The following NLRC5 variants were observed in gnomAD, a reference collection of about 807,000 sequenced individuals.
The protein encoded by NLRC5 is NLR family CARD domain containing 5.
A neutral mutation model predicts 206.9 loss-of-function variants in NLRC5; 114 were observed. The observed-to-expected ratio is 0.55, with a 90% CI of 0.47 to 0.64. NLRC5 has a LOEUF of 0.64. Ranked by LOEUF, NLRC5 falls within the 30% of genes least tolerant of loss-of-function variation. The pLI, the probability that NLRC5 is intolerant of heterozygous loss-of-function variation, is 0.00. For missense variants in NLRC5, 2,008 were observed against 2,305.5 expected (o/e 0.87, Z 2.64); for synonymous variants, 952 against 962.8 (o/e 0.99, Z 0.21).
At chr16:57,007,957 T>C (rs1262778251) in intron 1 of NLRC5, among the ~76,000 whole-genome samples, 1 of 152,264 alleles carries the variant, frequency 6.6e-6, no homozygotes, top group Admixed American at 6.5e-5. Flanking sequence ...ACCTTATCTG[T>C]GGTATTCTTT....
chr16:56,996,667 G>A (rs1209389715), intron 1 of NLRC5, among the ~76,000 whole-genome samples: 1 of 152,166 alleles, frequency 6.6e-6, no homozygotes, highest in Non-Finnish European at 1.5e-5. Context: ...CCCCTAGAGG[G>A]TGAGTTTGTG....
chr16:57,077,746 C>T lies in NLRC5; in HGVS notation c.4947C>T (p.Ala1649=), dbSNP rs753929101. ...TCTCAGGGAATAGCATCAGCTCAGC[C>T]GGGGGAGTGCAGTTGGCAGAGTCTC... ...IDLSGNSISS[A]GGVQLAESLV... is the part of the protein sequence containing the mutation. The change falls in exon 42 of 49, where the codon GCC becomes GCT. Residue 1649 remains alanine (A), a synonymous_variant. Transcript: ENST00000688547. 1.9e-5 allele frequency: 31 copies of T among 1,601,924 alleles called. No individual in the cohort carries two copies. Among genetic ancestry groups the T allele is most frequent in the African/African-American group, 1.1e-4 (8 of 74,614 alleles).
Position 57,054,898 on chromosome 16 carries a change from G to A in NLRC5, c.3596+58G>A. Reference sequence around the variant, plus strand: ...CCTGAAGGGTTGTGCCTGGAGTCTGGTGGGTATGAGGGGGTAGGATGAAGA... The same window carrying A: ...CCTGAAGGGTTGTGCCTGGAGTCTGATGGGTATGAGGGGGTAGGATGAAGA... On this transcript the variant is annotated intron_variant, in intron 25 of 48. Transcript: ENST00000688547. The A allele has an allele frequency of 3.1e-6, 5 of 1,591,176 alleles. No homozygotes were observed. In the African/African-American group the frequency reaches 4.0e-5, roughly 13 times the overall value.
chr16:57,042,252 C>G (rs1022311665), intron 19 of NLRC5, among the ~76,000 whole-genome samples, 187 bp downstream of exon 19: 5 of 152,170 alleles, frequency 3.3e-5, no homozygotes, highest in African/African-American at 1.2e-4. Flanking sequence ...GAGTCTGTGA[C>G]TCAATAATCC....
At chr16:57,078,466 GT>G (rs71383218) in intron 43 of NLRC5, among the ~76,000 whole-genome samples, 11,197 of 92,090 alleles carry the variant, frequency 0.12, 518 homozygotes, top group African/African-American at 0.16. Context: ...CTGGGACCTT[GT>G]TTTTTTTTTT....
intron 15 of NLRC5, among the ~76,000 whole-genome samples, chr16:57,039,281 T>G (rs1218648493): frequency 6.6e-6 from 1 of 152,208 alleles, no homozygotes; most frequent in African/African-American, 2.4e-5. Flanking sequence ...TGGGGCTTAC[T>G]TAGGCAATAG....
chr16:57,055,490 G>T lies in NLRC5; in HGVS notation c.3717G>T (p.Leu1239=). 1 of 1,613,916 alleles carries T rather than the reference G, an allele frequency of 6.2e-7. No individual in the cohort carries two copies. Among genetic ancestry groups the T allele is most frequent in the South Asian group, 1.1e-5 (1 of 91,042 alleles). ...ACGTAGAGTCACTCTGCTGGTTGCTGAGCAAGTGTAAAGACCTCAGCCAGG... is the reference window on the plus strand; with the variant it reads ...ACGTAGAGTCACTCTGCTGGTTGCTTAGCAAGTGTAAAGACCTCAGCCAGG... ...QEHVESLCWL[L]SKCKDLSQVD... Residue 1239 remains leucine (L), a synonymous_variant, in exon 27 of 49, where the codon CTG becomes CTT. Coordinates refer to ENST00000688547, the MANE Select transcript of NLRC5 (RefSeq NM_001384950.1).
chr16:57,036,039 T>C (rs1395907838), intron 13 of NLRC5, 61 bp from the exon 14 acceptor site: 4 of 1,469,584 alleles, frequency 2.7e-6, no homozygotes, highest in Non-Finnish European at 3.8e-6. Context: ...GAGGAGTAAG[T>C]GATGGGGATT....
At chr16:57,043,454 C>A in intron 19 of NLRC5, 61 bp from the exon 20 acceptor site, 1 of 1,317,054 alleles carries the variant, frequency 7.6e-7, no homozygotes, top group Non-Finnish European at 1.1e-6. Context: ...GTGCCCTGAC[C>A]ACAAAGAGGA....
Position 57,032,164 on chromosome 16 carries a change from C to A in NLRC5, c.2477+701C>A, listed in dbSNP as rs143696638. On this transcript the variant is annotated intron_variant, in intron 11 of 48. Transcript: ENST00000688547. ...GTGGCTCATGCCTGTAATCCTAGCA[C>A]TTTGGAACGCCAAGCACGAGAATCT... 7.4e-3 allele frequency among the ~76,000 whole-genome samples: 1,119 copies of A among 152,172 alleles called. 8 individuals carry two copies. Among genetic ancestry groups the A allele is most frequent in the Non-Finnish European group, 0.013 (885 of 68,012 alleles).
At chr16:57,005,700 C>T (rs2058819449) in intron 1 of NLRC5, among the ~76,000 whole-genome samples, 1 of 152,114 alleles carries the variant, frequency 6.6e-6, no homozygotes, top group Non-Finnish European at 1.5e-5. Flanking sequence ...GGGCAGATTG[C>T]TTGAGCCCAG....
In NLRC5 at chr16:57,026,196, A is replaced by G. The variant is rs1451432851; in HGVS notation, c.1253A>G (p.His418Arg). The change falls in exon 6 of 49, where the codon CAT becomes CGT. Residue 418 changes from histidine to arginine, a missense_variant. Physicochemically the swap from His to Arg is conservative, Grantham distance 29. Transcript: ENST00000688547. ...CAAGTCGCCTGTCTCTGCCTCCACC[A>G]TCTGCTTCCTGACCACGCCCCAGGC... ...LCQVACLCLHHLLPDHAPGQS... is the reference protein window; with the variant it reads ...LCQVACLCLHRLLPDHAPGQS... 1 of 1,613,730 alleles carries G rather than the reference A, an allele frequency of 6.2e-7. No homozygotes were observed. The highest frequency in any genetic ancestry group is 1.1e-5 in the South Asian group (1 of 91,082).
chr16:57,056,721 C>T (rs2065717045), intron 27 of NLRC5, among the ~76,000 whole-genome samples: 2 of 151,796 alleles, frequency 1.3e-5, no homozygotes, highest in Admixed American at 6.6e-5. Flanking sequence ...TGCAGTGGCG[C>T]AATTTCGGCT....
chr16:57,046,787 G>C, intron 22 of NLRC5, 146 bp downstream of exon 22: 2 of 674,150 alleles, frequency 3.0e-6, no homozygotes, highest in Non-Finnish European at 4.9e-6. Flanking sequence ...AGAGGCGTGG[G>C]TGTGAGGGGT....
At position 57,046,651 on chromosome 16, in the gene NLRC5, C is replaced by A; in HGVS notation, c.3338+10C>A. The stretch of plus-strand genomic sequence containing the variant: ...TCCCCAGGAGCCTCTGGTACTGTCC[C>A]AGCCCTTCTTGTTTGGGGGTAACCA... On this transcript the variant is annotated intron_variant, in intron 22 of 48. Transcript: ENST00000688547. 6.2e-7 allele frequency: 1 copy of A among 1,611,620 alleles called. No homozygotes were observed. Among genetic ancestry groups the A allele is most frequent in the Non-Finnish European group, 8.5e-7 (1 of 1,178,170 alleles).
At chr16:57,061,264 C>T (rs1216061681) in intron 30 of NLRC5, among the ~76,000 whole-genome samples, 184 bp from the exon 31 acceptor site, 1 of 152,240 alleles carries the variant, frequency 6.6e-6, no homozygotes, top group Non-Finnish European at 1.5e-5. Context: ...TGGGAGGTTC[C>T]TCCCCAAAGA....
chr16:57,020,937 T>C lies in NLRC5; in HGVS notation c.225T>C (p.Cys75=). 16 of 1,614,048 alleles carry C rather than the reference T, an allele frequency of 9.9e-6. No individual in the cohort carries two copies. Among genetic ancestry groups the C allele is most frequent in the Non-Finnish European group, 1.4e-5 (16 of 1,180,010 alleles). ...GSDTWQSFIH[C]VCMQLEVPLD... is the part of the protein sequence containing the mutation. ...ACACCTGGCAGTCTTTCATTCATTGTGTGTGCATGCAGCTGGAGGTGCCTC... is the reference window on the plus strand; with the variant it reads ...ACACCTGGCAGTCTTTCATTCATTGCGTGTGCATGCAGCTGGAGGTGCCTC... Residue 75 remains cysteine (C), a synonymous_variant, in exon 3 of 49, where the codon TGT becomes TGC. Transcript: ENST00000688547.
intron 6 of NLRC5, among the ~76,000 whole-genome samples, chr16:57,027,702 T>C (rs1388125080): frequency 6.6e-6 from 1 of 152,230 alleles, no homozygotes; most frequent in East Asian, 1.9e-4. Context: ...GTCATGGGTA[T>C]ATCTGTGCTC....
intron 1 of NLRC5, among the ~76,000 whole-genome samples, chr16:57,012,683 C>A (rs563870399): frequency 1.3e-5 from 2 of 152,134 alleles, no homozygotes; most frequent in Non-Finnish European, 2.9e-5. Flanking sequence ...GAATCCATCC[C>A]CCAACCCCAA....
Sources: allele counts gnomAD v4.1 joint callset (sites outside exome capture counted in the v4.1 genomes callset), GRCh38; gene constraint gnomAD v4.1.1; transcripts MANE v1.5; gene names NCBI Gene and HGNC (gene_info 2026-07-23, HGNC 2026-07-21).